The following ADAM12 variants were observed in gnomAD, a reference collection of about 807,000 sequenced individuals.
ADAM12 encodes the protein ADAM metallopeptidase domain 12, also known as disintegrin and metalloproteinase domain-containing protein 12.
In ADAM12, 70 loss-of-function variants were observed where a neutral mutation model predicts 106.4. That is an observed-to-expected ratio of 0.66 (90% CI 0.54 to 0.80). The LOEUF (loss-of-function observed/expected upper bound fraction) is 0.80, where lower values mean the gene tolerates loss of function less well. Ranked by LOEUF, ADAM12 falls within the 30% of genes least tolerant of loss-of-function variation. The probability of loss-of-function intolerance (pLI) is 0.00; values close to 1 mark genes in which losing one functional copy is unlikely to be tolerated. For synonymous variants in ADAM12, 420 were observed against 433.5 expected, an observed-to-expected ratio of 0.97 and a Z score of 0.39; for missense variants, 1,010 against 1,171.9, an observed-to-expected ratio of 0.86 and a Z score of 2.02.
chr10:126,121,698 G>T (rs1384909414), intron 5 of ADAM12, among the ~76,000 whole-genome samples: 1 of 151,532 alleles, frequency 6.6e-6, no homozygotes, highest in African/African-American at 2.4e-5. Flanking sequence ...ACTGTGTAAG[G>T]TGTTCCTATG....
chr10:126,057,291 A>G lies in ADAM12; in HGVS notation c.1609+7515T>C, dbSNP rs1401510745. ...GATGACACGTTAGTGGGTGCAGCGC[A>G]CCAGCATGGCACATGTATACATATG... On this transcript the variant is annotated intron_variant, in intron 14 of 22. Coordinates refer to ENST00000448723, the MANE Select transcript of ADAM12 (RefSeq NM_001288973.2). Among the ~76,000 whole-genome samples, 2 of 82,916 alleles carry G rather than the reference A, an allele frequency of 2.4e-5. 1 individual carries two copies. The highest frequency in any genetic ancestry group is 5.2e-5 in the Non-Finnish European group (2 of 38,792). 54.4% of individuals were successfully genotyped at this position (82,916 alleles called of 152,430 possible). A position where few individuals can be genotyped will look rare whatever the true frequency, so the allele number is the denominator to read the frequency against.
At chr10:126,094,251 A>T (rs1485540627) in intron 10 of ADAM12, 118 bp from the exon 11 acceptor site, 3 of 1,006,658 alleles carry the variant, frequency 3.0e-6, no homozygotes, top group Non-Finnish European at 2.8e-6. Context: ...GTAATTCCTT[A>T]TAAGGGACCA....
intron 11 of ADAM12, among the ~76,000 whole-genome samples, chr10:126,085,769 C>T (rs929511221): frequency 2.6e-5 from 4 of 152,224 alleles, no homozygotes; most frequent in African/African-American, 7.2e-5. Flanking sequence ...CATCCATCAT[C>T]CAGCCACCCG....
intron 2 of ADAM12, among the ~76,000 whole-genome samples, chr10:126,290,178 C>T (rs1368915227): frequency 1.3e-5 from 2 of 152,118 alleles, no homozygotes; most frequent in African/African-American, 4.8e-5. Flanking sequence ...TGGGAACCGC[C>T]CTCAACCGCC....
chr10:126,086,680 A>AATATATATATATATAT (rs1210379675), intron 11 of ADAM12, among the ~76,000 whole-genome samples: 99 of 24,066 alleles, frequency 4.1e-3, no homozygotes, highest in African/African-American at 5.0e-3. Context: ...AAAAAAAAAA[A>AATATATATATATATAT]ATATATATAT....
At chr10:126,268,294 A>G (rs984219215) in intron 3 of ADAM12, among the ~76,000 whole-genome samples, 2 of 152,214 alleles carry the variant, frequency 1.3e-5, no homozygotes, top group Non-Finnish European at 2.9e-5. Context: ...ATGTGATGGC[A>G]TGTGTCAGAA....
intron 1 of ADAM12, among the ~76,000 whole-genome samples, chr10:126,332,343 C>T (rs909873139): frequency 3.3e-5 from 5 of 152,194 alleles, no homozygotes; most frequent in Admixed American, 1.3e-4. Context: ...CCTCTCTCTC[C>T]GTCCTGTGCA....
At chr10:126,121,131 C>CTA (rs1554971961) in intron 5 of ADAM12, among the ~76,000 whole-genome samples, 3,275 of 80,888 alleles carry the variant, frequency 0.04, 212 homozygotes, top group East Asian at 0.1. Context: ...AGTATATATA[C>CTA]TATATACTAT....
chr10:126,048,206 T>C (rs1954378238), intron 16 of ADAM12, among the ~76,000 whole-genome samples: 1 of 152,188 alleles, frequency 6.6e-6, no homozygotes, highest in Non-Finnish European at 1.5e-5. Flanking sequence ...GCTTAGTATC[T>C]GAGTGACAAA....
At position 126,372,230 on chromosome 10, in the gene ADAM12, G is replaced by A. The variant is rs142394485; in HGVS notation, c.88+15828C>T. On this transcript the variant is annotated intron_variant, in intron 1 of 22. Transcript: ENST00000448723. The stretch of plus-strand genomic sequence containing the variant: ...CTCATGGATGCTGAGAACTTGTGCC[G>A]TTCAAGGCATGAGGACAAACCTCAG... 2.7e-3 allele frequency among the ~76,000 whole-genome samples: 413 copies of A among 152,280 alleles called. 3 individuals carry two copies. The highest frequency in any genetic ancestry group is 9.7e-3 in the African/African-American group (401 of 41,554).
At chr10:126,071,433 G>GGATACAA (rs1324847918) in intron 12 of ADAM12, 44 bp downstream of exon 12, 1 of 1,601,868 alleles carries the variant, frequency 6.2e-7, no homozygotes, top group Non-Finnish European at 8.5e-7. Flanking sequence ...GCCTAGCCGA[G>GGATACAA]GATACAAGTC....
intron 3 of ADAM12, among the ~76,000 whole-genome samples, chr10:126,164,844 A>T (rs1956996824): frequency 6.6e-6 from 1 of 152,228 alleles, no homozygotes; most frequent in South Asian, 2.1e-4. Flanking sequence ...AAGATCAGAC[A>T]GTTGAAAGAT....
intron 3 of ADAM12, among the ~76,000 whole-genome samples, chr10:126,229,823 C>T (rs868769193): frequency 2.6e-5 from 4 of 152,110 alleles, no homozygotes; most frequent in African/African-American, 7.2e-5. Flanking sequence ...AGTAAATGCT[C>T]GAAGGCATGA....
At position 126,385,029 on chromosome 10, in the gene ADAM12, G is replaced by A. The variant is rs1424658470; in HGVS notation, c.88+3029C>T. Reference sequence around the variant, plus strand: ...TTCTCAGGTTCAGTTAATTTGCTAGGTAAGCTCACAGAACCACAGAAAACA... The same window carrying A: ...TTCTCAGGTTCAGTTAATTTGCTAGATAAGCTCACAGAACCACAGAAAACA... On this transcript the variant is annotated intron_variant, in intron 1 of 22. Coordinates refer to ENST00000448723, the MANE Select transcript of ADAM12 (RefSeq NM_001288973.2). Among the ~76,000 whole-genome samples, 5 of 152,158 alleles carry A rather than the reference G, an allele frequency of 3.3e-5. No homozygotes were observed. In the East Asian group the frequency reaches 5.8e-4, roughly 18 times the overall value.
intron 2 of ADAM12, among the ~76,000 whole-genome samples, chr10:126,302,226 T>C (rs1960656874): frequency 6.6e-6 from 1 of 152,204 alleles, no homozygotes; most frequent in African/African-American, 2.4e-5. Flanking sequence ...CAAGTCTGTT[T>C]CTGTGCCAAA....
At chr10:126,333,203 G>T (rs930081862) in intron 1 of ADAM12, among the ~76,000 whole-genome samples, 6 of 152,224 alleles carry the variant, frequency 3.9e-5, no homozygotes, top group African/African-American at 1.4e-4. Flanking sequence ...GCAGCGCTGA[G>T]TTTCCAACAC....
intron 3 of ADAM12, among the ~76,000 whole-genome samples, chr10:126,199,814 A>G (rs554303125): frequency 6.6e-6 from 1 of 152,330 alleles, no homozygotes; most frequent in Non-Finnish European, 1.5e-5. Flanking sequence ...TCTCTAGCTA[A>G]TTGAGATTGT....
In ADAM12 at chr10:126,206,854, TG is replaced by T. The variant is rs145374984; in HGVS notation, c.261-51550del. On this transcript the variant is annotated intron_variant, in intron 3 of 22. Transcript: ENST00000448723. ...TAGCTCCCTGAATTCCCATGTGTTG[TG>T]GGGGCGGGGGGGAGCCAGTGGGAGG... is the stretch of plus-strand genomic sequence containing the variant. Among the ~76,000 whole-genome samples the T allele has an allele frequency of 1.7e-4, 14 of 81,832 alleles. 1 individual carries two copies. The highest frequency in any genetic ancestry group is 5.8e-4 in the African/African-American group (14 of 24,254). 53.7% of individuals were successfully genotyped at this position (81,832 alleles called of 152,430 possible).
At chr10:126,327,752 T>C (rs778909672) in intron 2 of ADAM12, among the ~76,000 whole-genome samples, 1 of 152,230 alleles carries the variant, frequency 6.6e-6, no homozygotes, top group Non-Finnish European at 1.5e-5. Flanking sequence ...ATTAATGTTA[T>C]GATTTGGTAA....
Sources: allele counts gnomAD v4.1 joint callset (sites outside exome capture counted in the v4.1 genomes callset), GRCh38; gene constraint gnomAD v4.1.1; transcripts MANE v1.5; gene names NCBI Gene and HGNC (gene_info 2026-07-23, HGNC 2026-07-21).